The following E2F3 variants were observed in gnomAD, a reference collection of about 807,000 sequenced individuals.
E2F3 encodes E2F transcription factor 3, also known as transcription factor E2F3.
Under a neutral mutation model 44.4 loss-of-function variants are expected in E2F3, and 11 were observed. The observed-to-expected ratio is 0.25, with a 90% confidence interval of 0.16 to 0.41. The LOEUF is 0.41. Ranked by LOEUF, E2F3 falls within the 10% of genes least tolerant of loss-of-function variation. The pLI is 1.00. For missense variants in E2F3, 487 were observed against 583.6 expected (o/e 0.83, Z 1.70); for synonymous variants, 249 against 253.0 (o/e 0.98, Z 0.15).
chr6:20,482,603 T>A (rs59277212), intron 3 of E2F3, among the ~76,000 whole-genome samples, 159 bp from the exon 4 acceptor site: 5,852 of 134,270 alleles, frequency 0.044, 316 homozygotes, highest in African/African-American at 0.15. Context: ...AAAAAAAATA[T>A]ATATATATAT....
intron 1 of E2F3, among the ~76,000 whole-genome samples, chr6:20,467,879 T>G (rs1296221672): frequency 6.6e-6 from 1 of 151,616 alleles, no homozygotes; most frequent in Non-Finnish European, 1.5e-5. Context: ...CTCCATACCA[T>G]GGGTATGGAG....
At chr6:20,453,698 C>T (rs572822602) in intron 1 of E2F3, among the ~76,000 whole-genome samples, 7 of 152,282 alleles carry the variant, frequency 4.6e-5, no homozygotes, top group East Asian at 1.9e-4. Context: ...CAGGAGCAGT[C>T]GTGCCTGACT....
intron 1 of E2F3, among the ~76,000 whole-genome samples, chr6:20,420,976 A>G (rs964672917): frequency 2.3e-4 from 35 of 152,224 alleles, no homozygotes; most frequent in African/African-American, 8.2e-4. Context: ...AATTTATGCA[A>G]TATCCCAAAT....
At chr6:20,446,830 G>C (rs1760961714) in intron 1 of E2F3, among the ~76,000 whole-genome samples, 1 of 152,174 alleles carries the variant, frequency 6.6e-6, no homozygotes, top group African/African-American at 2.4e-5. Context: ...GCCTCTCAAA[G>C]TGCCAGGATT....
intron 1 of E2F3, among the ~76,000 whole-genome samples, chr6:20,443,967 C>A (rs770723591): frequency 6.6e-6 from 1 of 151,908 alleles, no homozygotes; most frequent in Non-Finnish European, 1.5e-5. Flanking sequence ...ATCCCAGCAC[C>A]TTGAGAGGCC....
intron 1 of E2F3, among the ~76,000 whole-genome samples, chr6:20,441,698 C>G (rs1209548534): frequency 6.6e-6 from 1 of 151,402 alleles, no homozygotes; most frequent in Non-Finnish European, 1.5e-5. Context: ...CCTCAACCTC[C>G]TAAGTAGCTG....
chr6:20,404,420 C>T (rs1162079336), intron 1 of E2F3, among the ~76,000 whole-genome samples: 5 of 152,204 alleles, frequency 3.3e-5, no homozygotes, highest in African/African-American at 9.6e-5. Context: ...GGCTTGGCCT[C>T]CACGGGGCTA....
In E2F3 at chr6:20,490,511, T is replaced by G; in HGVS notation, c.*81T>G. On this transcript the variant is annotated 3_prime_UTR_variant, in exon 7 of 7. Transcript: ENST00000346618. This position sits in a 1 kb window ranked among gnomAD's most constrained non-coding sequence, Gnocchi z 4.3. ...AACATCTGTCATGCAGTGTTGTCCC[T>G]TCCTACCTTCTTCCTCCAAGAGAGT... The G allele has an allele frequency of 7.3e-7, 1 of 1,361,260 alleles. No homozygotes were observed. Among genetic ancestry groups the G allele is most frequent in the South Asian group, 1.6e-5 (1 of 61,188 alleles). 84.3% of individuals were successfully genotyped at this position (1,361,260 alleles called of 1,614,324 possible).
chr6:20,422,853 G>A (rs771952565), intron 1 of E2F3, among the ~76,000 whole-genome samples: 4 of 152,074 alleles, frequency 2.6e-5, no homozygotes, highest in Non-Finnish European at 2.9e-5. Context: ...CACTGATCAC[G>A]GATCACCACA....
rs1379633990 is a variant in E2F3 at position 20,490,287 on chromosome 6, G to A, written c.1255G>A (p.Glu419Lys). ...TGAGGACCAAATTCCTTCCAACCTAGAAGGACCGTTTGTGAACTTACTGCC... is the reference window on the plus strand; with the variant it reads ...TGAGGACCAAATTCCTTCCAACCTAAAAGGACCGTTTGTGAACTTACTGCC... ...QTEDQIPSNL[E>K]GPFVNLLPPL... Residue 419 changes from glutamate (E) to lysine (K), a missense_variant, in exon 7 of 7, where the codon GAA (glutamate) becomes AAA (lysine). Physicochemically the swap from Glu to Lys is moderately conservative, Grantham distance 56. This residue lies in a region of E2F3 where 220 missense variants were observed against 261.7 expected (regional missense o/e 0.84). Coordinates refer to ENST00000346618, the MANE Select transcript of E2F3 (RefSeq NM_001949.5). This position sits in a 1 kb window ranked among gnomAD's most constrained non-coding sequence, Gnocchi z 4.3. The A allele has an allele frequency of 6.2e-7, 1 of 1,614,132 alleles. No homozygotes were observed. Among genetic ancestry groups the A allele is most frequent in the Non-Finnish European group, 8.5e-7 (1 of 1,180,022 alleles).
chr6:20,485,268 T>C (rs755598354), intron 4 of E2F3, among the ~76,000 whole-genome samples: 8 of 152,278 alleles, frequency 5.3e-5, no homozygotes, highest in Non-Finnish European at 1.0e-4. Flanking sequence ...TTTAAAAGAA[T>C]GGTTCAGTGC....
chr6:20,429,157 G>A (rs547839611), intron 1 of E2F3, among the ~76,000 whole-genome samples: 1 of 152,280 alleles, frequency 6.6e-6, no homozygotes, highest in South Asian at 2.1e-4. Flanking sequence ...CTAGTGCCAA[G>A]GTTAACAAGT....
rs2127630552 is a variant in E2F3 at position 20,491,911 on chromosome 6, G to A, written c.*1481G>A. 5.5e-6 allele frequency: 1 copy of A among 181,714 alleles called. No homozygotes were observed. Among genetic ancestry groups the A allele is most frequent in the Non-Finnish European group, 1.2e-5 (1 of 84,764 alleles). The allele number at this position is 181,714 out of a possible 1,614,324, so 11.3% of individuals were successfully genotyped here. ...TTTGTGTCAGCTGCAAATCCTACCA[G>A]TTATGTCCAAGAATGGCTTTCCCTC... On this transcript the variant is annotated 3_prime_UTR_variant, in exon 7 of 7. Transcript: ENST00000346618.
intron 1 of E2F3, among the ~76,000 whole-genome samples, chr6:20,409,897 AAC>A (rs1451987176): frequency 1.4e-5 from 2 of 147,592 alleles, no homozygotes; most frequent in East Asian, 2.1e-4. Flanking sequence ...GATACGGTCT[AAC>A]AGCCAGTGAG....
chr6:20,449,979 C>A (rs760240324), intron 1 of E2F3, among the ~76,000 whole-genome samples: 44 of 152,182 alleles, frequency 2.9e-4, no homozygotes, highest in African/African-American at 9.6e-4. Context: ...CATAGTATTC[C>A]GAGGTATATA....
chr6:20,461,418 C>G (rs1249747878), intron 1 of E2F3, among the ~76,000 whole-genome samples: 1 of 152,072 alleles, frequency 6.6e-6, no homozygotes, highest in Non-Finnish European at 1.5e-5. Flanking sequence ...GGCGTGAACC[C>G]GGGAGGCAGA....
intron 4 of E2F3, among the ~76,000 whole-genome samples, chr6:20,486,336 G>C (rs954426058): frequency 6.6e-6 from 1 of 152,110 alleles, no homozygotes; most frequent in Non-Finnish European, 1.5e-5. Flanking sequence ...GCAGTGGCGC[G>C]ATCTCGTCTC....
intron 3 of E2F3, among the ~76,000 whole-genome samples, chr6:20,482,318 CT>C (rs1762250205): frequency 7.0e-6 from 1 of 142,694 alleles, no homozygotes. Flanking sequence ...GTTTTTGATG[CT>C]TTTTTGGATG....
chr6:20,457,236 C>A (rs1052024925), intron 1 of E2F3, among the ~76,000 whole-genome samples: 4 of 151,650 alleles, frequency 2.6e-5, no homozygotes, highest in Non-Finnish European at 2.9e-5. Flanking sequence ...GTACAGTGGT[C>A]CCATCTTGGC....
Sources: allele counts gnomAD v4.1 joint callset (sites outside exome capture counted in the v4.1 genomes callset), GRCh38; gene constraint gnomAD v4.1.1; regional missense constraint gnomAD v4.1.1; non-coding constraint Gnocchi (gnomAD v3.1); transcripts MANE v1.5; gene names NCBI Gene and HGNC (gene_info 2026-07-23, HGNC 2026-07-21).